The following PDE1C variants were observed in gnomAD, a reference collection of about 807,000 sequenced individuals.
PDE1C encodes the protein dual specificity calcium/calmodulin-dependent 3',5'-cyclic nucleotide phosphodiesterase 1C.
A neutral mutation model predicts 93.1 loss-of-function variants in PDE1C; 62 were observed. The ratio of observed to expected loss-of-function variants is 0.67; its 90% CI spans 0.54 to 0.82. The LOEUF (loss-of-function observed/expected upper bound fraction) is 0.82, where lower values mean the gene tolerates loss of function less well. Among genes scored for constraint, PDE1C ranks in the 40% least tolerant of loss-of-function variants. The probability of loss-of-function intolerance (pLI) is 0.00; values close to 1 mark genes in which losing one functional copy is unlikely to be tolerated. For missense variants in PDE1C, 742 were observed against 884.6 expected, an observed-to-expected ratio of 0.84 and a Z score of 2.04; for synonymous variants, 325 against 310.1, an observed-to-expected ratio of 1.05 and a Z score of -0.50.
chr7:32,289,827 C>T (rs532503676), intron 1 of PDE1C, among the ~76,000 whole-genome samples: 2 of 152,310 alleles, frequency 1.3e-5, no homozygotes, highest in Non-Finnish European at 2.9e-5. Context: ...CCCGTGGAAT[C>T]GCACCTGAGC....
chr7:31,689,152 G>A, the PDE1C span, among the ~76,000 whole-genome samples: 1 of 152,130 alleles, frequency 6.6e-6, no homozygotes, highest in Non-Finnish European at 1.5e-5. Flanking sequence ...AGGGTGGGTG[G>A]CCAATATTGC....
intron 1 of PDE1C, among the ~76,000 whole-genome samples, chr7:32,058,230 C>A (rs1794360472): frequency 6.6e-6 from 1 of 152,218 alleles, no homozygotes; most frequent in African/African-American, 2.4e-5. Flanking sequence ...TATCCTGTCT[C>A]CATTCTTTTC....
chr7:32,312,300 G>A, intron 1 of PDE1C, among the ~76,000 whole-genome samples: 1 of 151,888 alleles, frequency 6.6e-6, no homozygotes. Context: ...TGGGTAGGAA[G>A]AATCAATATC....
At chr7:31,628,999 T>C in the PDE1C span, among the ~76,000 whole-genome samples, 1 of 152,126 alleles carries the variant, frequency 6.6e-6, no homozygotes. Flanking sequence ...CTTGAATCAG[T>C]AGAAAAATTA....
At chr7:32,272,596 T>C (rs1390686828) in intron 1 of PDE1C, among the ~76,000 whole-genome samples, 1 of 152,242 alleles carries the variant, frequency 6.6e-6, no homozygotes, top group African/African-American at 2.4e-5. Context: ...CGTGTCACTC[T>C]TGGCTATCTA....
the PDE1C span, among the ~76,000 whole-genome samples, chr7:31,663,164 G>C: frequency 6.6e-6 from 1 of 152,120 alleles, no homozygotes; most frequent in African/African-American, 2.4e-5. Context: ...CCTTTTCCTG[G>C]CTCTGGCTAG....
intron 6 of PDE1C, among the ~76,000 whole-genome samples, chr7:31,871,833 A>G (rs1031024471): frequency 6.6e-6 from 1 of 152,078 alleles, no homozygotes; most frequent in African/African-American, 2.4e-5. Context: ...AAGTAGAACT[A>G]CCATGCAATC....
At chr7:31,755,565 A>T (rs1170237727) in intron 17 of PDE1C, among the ~76,000 whole-genome samples, 2 of 92,386 alleles carry the variant, frequency 2.2e-5, no homozygotes, top group African/African-American at 4.2e-5. Flanking sequence ...AGAAAATTTG[A>T]AGTGTTCAAA....
intron 2 of PDE1C, among the ~76,000 whole-genome samples, chr7:31,964,943 A>G (rs1372614574): frequency 6.6e-6 from 1 of 152,210 alleles, no homozygotes; most frequent in Non-Finnish European, 1.5e-5. Context: ...CATCCACACC[A>G]AAAACCCATC....
chr7:31,864,930 A>T lies in PDE1C; in HGVS notation c.750+12T>A. 6.2e-7 allele frequency: 1 copy of T among 1,612,398 alleles called. No individual in the cohort carries two copies. The highest frequency in any genetic ancestry group is 1.1e-5 in the South Asian group (1 of 90,966). On this transcript the variant is annotated intron_variant, in intron 7 of 17. Coordinates refer to ENST00000396191, the MANE Select transcript of PDE1C (RefSeq NM_001191057.4). ...TCTTTTGGGGAACCTAAGAGTTCCT[A>T]TCCCTACTTACCGCCACTCCTGTCT... is the stretch of plus-strand genomic sequence containing the variant.
At chr7:31,885,740 T>G (rs1312996960) in intron 2 of PDE1C, among the ~76,000 whole-genome samples, 1 of 152,062 alleles carries the variant, frequency 6.6e-6, no homozygotes. Context: ...ACCAATGGAG[T>G]GAGCTTCATT....
intron 1 of PDE1C, among the ~76,000 whole-genome samples, chr7:32,329,531 T>C (rs1783470910): frequency 6.6e-6 from 1 of 152,216 alleles, no homozygotes; most frequent in Non-Finnish European, 1.5e-5. Flanking sequence ...GTTTACCTTT[T>C]CCACAGAGGT....
At chr7:31,996,844 G>A (rs542921837) in intron 2 of PDE1C, among the ~76,000 whole-genome samples, 2 of 152,220 alleles carry the variant, frequency 1.3e-5, no homozygotes, top group East Asian at 3.9e-4. Context: ...AGAAAAGACA[G>A]CAATAAGAAA....
intron 2 of PDE1C, among the ~76,000 whole-genome samples, chr7:32,014,170 G>C (rs1290576331): frequency 6.6e-6 from 1 of 152,194 alleles, no homozygotes. Flanking sequence ...GCAATAATTG[G>C]TAAACAGGCA....
At chr7:32,010,437 T>C (rs1584440626) in intron 2 of PDE1C, among the ~76,000 whole-genome samples, 1 of 152,174 alleles carries the variant, frequency 6.6e-6, no homozygotes, top group South Asian at 2.1e-4. Flanking sequence ...CGGATTTCCA[T>C]GTGTAAATTT....
the PDE1C span, among the ~76,000 whole-genome samples, chr7:31,675,744 G>T: frequency 3.3e-5 from 5 of 151,732 alleles, no homozygotes; most frequent in African/African-American, 1.2e-4. Flanking sequence ...GGCTAAAAAT[G>T]TGTGCTAAAT....
chr7:32,040,521 C>T (rs1011939973), intron 2 of PDE1C, among the ~76,000 whole-genome samples: 12 of 152,136 alleles, frequency 7.9e-5, no homozygotes, highest in African/African-American at 2.4e-4. Flanking sequence ...CACCCCCAGT[C>T]GAGAACCACT....
At chr7:32,094,643 C>T (rs904311762) in intron 3 of PDE1C, among the ~76,000 whole-genome samples, 1 of 152,140 alleles carries the variant, frequency 6.6e-6, no homozygotes, top group Non-Finnish European at 1.5e-5. Context: ...TTTCTTTACT[C>T]GTTTGTGCAA....
At chr7:32,060,195 T>C (rs537125204) in intron 1 of PDE1C, among the ~76,000 whole-genome samples, 29 of 152,324 alleles carry the variant, frequency 1.9e-4, no homozygotes, top group African/African-American at 6.7e-4. Context: ...TTTCCCCTTG[T>C]AGATTTAGCC....
Sources: gnomAD v4.1 joint callset for allele counts (sites outside exome capture counted in the v4.1 genomes callset) on GRCh38, gnomAD v4.1.1 for gene constraint, MANE v1.5 for transcripts, NCBI Gene and HGNC (gene_info 2026-07-23, HGNC 2026-07-21) for gene names.